The following WDFY4 variants were observed in gnomAD, a reference collection of about 807,000 sequenced individuals.
The protein encoded by WDFY4 is WD repeat- and FYVE domain-containing protein 4.
WDFY4 carries 169 observed loss-of-function variants against 351.9 expected under a neutral mutation model. The ratio of observed to expected loss-of-function variants is 0.48; its 90% CI spans 0.42 to 0.55. The LOEUF (loss-of-function observed/expected upper bound fraction) is 0.55. Among genes scored for constraint, WDFY4 ranks in the 20% least tolerant of loss-of-function variants. The pLI is 0.00. For missense variants in WDFY4, 3,803 were observed against 3,935.6 expected (o/e 0.97, Z 0.90); for synonymous variants, 1,622 against 1,574.6 (o/e 1.03, Z -0.71).
At chr10:48,794,039 G>A (rs1193420022) in intron 23 of WDFY4, among the ~76,000 whole-genome samples, 1 of 152,152 alleles carries the variant, frequency 6.6e-6, no homozygotes, top group Non-Finnish European at 1.5e-5. Context: ...TCCTCCACAC[G>A]GCTAGGAGGA....
intron 1 of WDFY4, among the ~76,000 whole-genome samples, chr10:48,692,194 A>G (rs937419811): frequency 6.6e-6 from 1 of 152,304 alleles, no homozygotes; most frequent in East Asian, 1.9e-4. Flanking sequence ...AGGGTGGCAA[A>G]TGCCCAGATA....
chr10:48,693,011 G>A (rs530814587), intron 1 of WDFY4, among the ~76,000 whole-genome samples: 290 of 152,288 alleles, frequency 1.9e-3, no homozygotes, highest in African/African-American at 6.8e-3. Context: ...TGTTTGGACC[G>A]TGGTGCTGAA....
chr10:48,913,477 T>C (rs1838198265), intron 47 of WDFY4: 2 of 1,585,920 alleles, frequency 1.3e-6, no homozygotes, highest in Non-Finnish European at 8.6e-7. Flanking sequence ...GTCGTGGCCA[T>C]GTTCTTGATT....
chr10:48,717,008 A>G (rs955565258), intron 2 of WDFY4, among the ~76,000 whole-genome samples: 2 of 152,210 alleles, frequency 1.3e-5, no homozygotes, highest in Non-Finnish European at 2.9e-5. Flanking sequence ...GGGTATGTGC[A>G]CGCATGTGTG....
At position 48,709,778 on chromosome 10, in the gene WDFY4, C is replaced by T. The variant is rs1182900202; in HGVS notation, c.46C>T (p.Pro16Ser). 4 of 1,551,932 alleles carry T rather than the reference C, an allele frequency of 2.6e-6. 1 individual carries two copies. In the African/African-American group the frequency reaches 5.5e-5, roughly 21 times the overall value. Residue 16 changes from proline to serine, a missense_variant, in exon 2 of 62, where the codon CCA (proline) becomes TCA (serine). Physicochemically the swap from Pro to Ser is moderately conservative, Grantham distance 74 (BLOSUM62 -1). Coordinates refer to ENST00000325239, the MANE Select transcript of WDFY4 (RefSeq NM_001394531.1). ...AAAGGCTGAAGACAGAAATGAAGAC[C>T]CAGGTTCCAAAAATGAAGGGCAGCT... is the stretch of plus-strand genomic sequence containing the variant. ...LSKAEDRNED[P>S]GSKNEGQLAA...
intron 47 of WDFY4, among the ~76,000 whole-genome samples, chr10:48,927,000 G>A (rs1026596260): frequency 6.6e-6 from 1 of 152,180 alleles, no homozygotes; most frequent in Non-Finnish European, 1.5e-5. Flanking sequence ...CAGGGACATT[G>A]GCCAACTGCA....
At position 48,969,098 on chromosome 10, in the gene WDFY4, C is replaced by T. The variant is rs1332199280; in HGVS notation, c.8619C>T (p.Pro2873=). The part of the protein sequence containing the change: ...MYLFSLGSES[P]KGAIGHIVST... ...TCTTTTCTCTAGGCTCAGAGTCCCC[C>T]AAAGGGGCCATTGGCCACATTGTCT... is the stretch of plus-strand genomic sequence containing the variant. Residue 2873 remains proline (P), a synonymous_variant, in exon 56 of 62, where the codon CCC becomes CCT. Coordinates refer to ENST00000325239, the MANE Select transcript of WDFY4 (RefSeq NM_001394531.1). The T allele has an allele frequency of 6.4e-7, 1 of 1,551,776 alleles. No individual in the cohort carries two copies. The highest frequency in any genetic ancestry group is 2.4e-5 in the East Asian group (1 of 40,920).
At chr10:48,922,607 C>T (rs749670720) in intron 47 of WDFY4, among the ~76,000 whole-genome samples, 8 of 152,086 alleles carry the variant, frequency 5.3e-5, no homozygotes, top group Admixed American at 2.6e-4. Flanking sequence ...GGCATGTTTT[C>T]CTATAGGAAA....
At chr10:48,931,446 A>T (rs886731964) in intron 47 of WDFY4, among the ~76,000 whole-genome samples, 16 of 152,226 alleles carry the variant, frequency 1.1e-4, no homozygotes, top group African/African-American at 3.6e-4. Context: ...GCCCACCCTC[A>T]GCCAGCCACA....
intron 5 of WDFY4, among the ~76,000 whole-genome samples, chr10:48,724,283 C>T (rs74338128): frequency 0.033 from 5,083 of 152,142 alleles, 269 homozygotes; most frequent in African/African-American, 0.12. Context: ...GAGCAGGTGC[C>T]TGTGACTGTT....
chr10:48,716,364 TTC>T (rs1014338453), intron 2 of WDFY4, among the ~76,000 whole-genome samples: 2 of 152,244 alleles, frequency 1.3e-5, no homozygotes, highest in Non-Finnish European at 2.9e-5. Flanking sequence ...ATCATTTTCT[TTC>T]TCTTTCTTCC....
intron 39 of WDFY4, among the ~76,000 whole-genome samples, chr10:48,854,395 C>T (rs1319017496): frequency 1.3e-5 from 2 of 152,154 alleles, no homozygotes; most frequent in Non-Finnish European, 2.9e-5. Context: ...AGGCATGAGC[C>T]ACTGCACCCA....
chr10:48,895,380 A>G (rs1331696694), intron 44 of WDFY4, among the ~76,000 whole-genome samples: 1 of 151,756 alleles, frequency 6.6e-6, no homozygotes, highest in East Asian at 1.9e-4. Context: ...TTCCTCACCC[A>G]CTCCCTGTCA....
At position 48,900,253 on chromosome 10, in the gene WDFY4, A is replaced by G. The variant is rs774728579; in HGVS notation, c.7470A>G (p.Gly2490=). The change falls in exon 46 of 62, where the codon GGA becomes GGG. Residue 2490 remains glycine (G), a synonymous_variant. Transcript: ENST00000325239. ...CCCTGGAGATCTTCTTCCACAATGGATATTCCAAGTTTCTTGTCTTCTACA... is the reference window on the plus strand; with the variant it reads ...CCCTGGAGATCTTCTTCCACAATGGGTATTCCAAGTTTCTTGTCTTCTACA... The part of the protein sequence containing the change: ...DIALEIFFHN[G]YSKFLVFYNN... 3.6e-5 allele frequency: 56 copies of G among 1,551,580 alleles called. No individual in the cohort carries two copies. The highest frequency in any genetic ancestry group is 4.5e-5 in the Non-Finnish European group (52 of 1,146,988).
At chr10:48,758,452 A>G (rs1343761899) in intron 12 of WDFY4, among the ~76,000 whole-genome samples, 1 of 152,140 alleles carries the variant, frequency 6.6e-6, no homozygotes, top group Non-Finnish European at 1.5e-5. Context: ...AAGGTTATGT[A>G]TTTCACCAGC....
Position 48,778,611 on chromosome 10 carries a change from G to A in WDFY4, c.3176G>A (p.Gly1059Asp), listed in dbSNP as rs1465819596. ...EYSVSGGIGTGATRPFPPPGG... is the reference protein window; with the variant it reads ...EYSVSGGIGTDATRPFPPPGG... ...AGGGCATGCCTGTGTTCCCACCCAG[G>A]TGCCACCAGACCGTTCCCTCCTCCT... The change falls in exon 18 of 62, where the codon GGT becomes GAT. Residue 1059 changes from glycine to aspartate, a missense_variant and splice_region_variant. This residue lies in a region of WDFY4 where 3,054 missense variants were observed against 3,148.6 expected (regional missense o/e 0.97). Coordinates refer to ENST00000325239, the MANE Select transcript of WDFY4 (RefSeq NM_001394531.1). 3 of 1,550,566 alleles carry A rather than the reference G, an allele frequency of 1.9e-6. No individual in the cohort carries two copies. Among genetic ancestry groups the A allele is most frequent in the Non-Finnish European group, 2.6e-6 (3 of 1,147,010 alleles).
At chr10:48,768,097 G>A (rs1395371912) in intron 13 of WDFY4, among the ~76,000 whole-genome samples, 2 of 152,212 alleles carry the variant, frequency 1.3e-5, no homozygotes, top group African/African-American at 2.4e-5. Context: ...AGCTTAGAAT[G>A]GGGACAACAA....
chr10:48,786,712 A>G lies in WDFY4; in HGVS notation c.3650A>G (p.Tyr1217Cys), dbSNP rs2066416536. 2 of 1,552,274 alleles carry G rather than the reference A, an allele frequency of 1.3e-6. No individual in the cohort carries two copies. The highest frequency in any genetic ancestry group is 2.0e-5 in the Admixed American group (1 of 51,002). Residue 1217 changes from tyrosine (Y) to cysteine (C), a missense_variant, in exon 20 of 62, where the codon TAT (tyrosine) becomes TGT (cysteine). By Grantham distance (194) the Tyr-to-Cys change is radical. Around this residue, in one of 3 missense-constraint regions of WDFY4, gnomAD observed 3,054 missense variants for 3,148.6 expected, o/e 0.97. Transcript: ENST00000325239. Reference sequence around the variant, plus strand: ...TCCGCATTTGTGGATGTTTATGGATATATTGCTACTCCTCGAGTCTGGAAA... The same window carrying G: ...TCCGCATTTGTGGATGTTTATGGATGTATTGCTACTCCTCGAGTCTGGAAA... ...DPSAFVDVYGYIATPRVWKQK... is the reference protein window; with the variant it reads ...DPSAFVDVYGCIATPRVWKQK...
chr10:48,962,245 T>C (rs1841891096), intron 53 of WDFY4, among the ~76,000 whole-genome samples: 1 of 152,162 alleles, frequency 6.6e-6, no homozygotes, highest in Non-Finnish European at 1.5e-5. Flanking sequence ...AGCCATACCT[T>C]TCATTACCCC....
Sources: allele counts gnomAD v4.1 joint callset (sites outside exome capture counted in the v4.1 genomes callset), GRCh38; gene constraint gnomAD v4.1.1; regional missense constraint gnomAD v4.1.1; transcripts MANE v1.5; gene names NCBI Gene and HGNC (gene_info 2026-07-23, HGNC 2026-07-21).